Variants in CCDC110 observed in about 807,000 individuals in gnomAD.
The protein encoded by CCDC110 is coiled-coil domain-containing protein 110.
CCDC110 carries 70 observed loss-of-function variants against 77.1 expected under a neutral mutation model. That is an observed-to-expected ratio of 0.91 (90% CI 0.75 to 1.11). The LOEUF (loss-of-function observed/expected upper bound fraction) is 1.11, where lower values mean the gene tolerates loss of function less well. CCDC110 is among the 50% of genes least tolerant of loss of function. The pLI is 0.00. For missense variants in CCDC110, 868 were observed against 942.9 expected (o/e 0.92, Z 1.04); for synonymous variants, 295 against 312.5 (o/e 0.94, Z 0.59).
chr4:185,470,802 A>T, intron 2 of CCDC110, 143 bp downstream of exon 2: 1 of 748,490 alleles, frequency 1.3e-6, no homozygotes, highest in South Asian at 1.4e-5. Context: ...TTAGAACAGC[A>T]CTGGCACAAA....
chr4:185,459,349 T>C lies in CCDC110; in HGVS notation c.1238A>G (p.Lys413Arg). 2 of 1,611,600 alleles carry C rather than the reference T, an allele frequency of 1.2e-6. No homozygotes were observed. The highest frequency in any genetic ancestry group is 1.7e-6 in the Non-Finnish European group (2 of 1,179,046). The change falls in exon 6 of 7, where the codon AAA becomes AGA. Residue 413 changes from lysine (K) to arginine (R), a missense_variant. Coordinates refer to ENST00000307588, the MANE Select transcript of CCDC110 (RefSeq NM_152775.4). ...AGTAACGGAATTAACTTTGGAAGTT[T>C]TCTCATTTTCAGATATTATTGATCC... ...KQGSIISENE[K>R]TSKVNSVTEQ...
intron 1 of CCDC110, 105 bp downstream of exon 1, chr4:185,471,569 C>A (rs1245878493): frequency 7.7e-7 from 1 of 1,299,560 alleles, no homozygotes; most frequent in Non-Finnish European, 1.1e-6. Context: ...AAGGGCGGAC[C>A]CGGGATGTCC....
Position 185,453,147 on chromosome 4 carries a change from C to T in CCDC110, c.2461+4979G>A, listed in dbSNP as rs111341313. Among the ~76,000 whole-genome samples the T allele has an allele frequency of 7.4e-3, 1,131 of 152,248 alleles. 8 individuals are homozygous for T. The highest frequency in any genetic ancestry group is 0.022 in the South Asian group (104 of 4,824). On this transcript the variant is annotated intron_variant, in intron 6 of 6. Transcript: ENST00000307588. Reference sequence around the variant, plus strand: ...TTTTGGGAAGCCAAGGCAGGAGGATCACCAGGACCCAGGAGTTTGAGGCCA... The same window carrying T: ...TTTTGGGAAGCCAAGGCAGGAGGATTACCAGGACCCAGGAGTTTGAGGCCA...
At chr4:185,470,301 G>A (rs1046803441) in intron 2 of CCDC110, among the ~76,000 whole-genome samples, 1 of 152,116 alleles carries the variant, frequency 6.6e-6, no homozygotes, top group African/African-American at 2.4e-5. Flanking sequence ...AATACAAAAT[G>A]GGGTAGTATT....
intron 2 of CCDC110, among the ~76,000 whole-genome samples, chr4:185,464,998 A>G (rs1468915406): frequency 6.6e-6 from 1 of 152,228 alleles, no homozygotes; most frequent in Non-Finnish European, 1.5e-5. Context: ...AGAGATGAGA[A>G]AATTAGCATT....
At chr4:185,467,982 T>C (rs2153324858) in intron 2 of CCDC110, among the ~76,000 whole-genome samples, 1 of 152,346 alleles carries the variant, frequency 6.6e-6, no homozygotes, top group East Asian at 1.9e-4. Context: ...TTGGCCAGGC[T>C]GGTCTCAAAC....
chr4:185,469,670 G>T (rs963723459), intron 2 of CCDC110, among the ~76,000 whole-genome samples: 1 of 152,228 alleles, frequency 6.6e-6, no homozygotes, highest in African/African-American at 2.4e-5. Flanking sequence ...AGGCAGGAGG[G>T]CGGAGAGGGG....
rs778890390 is a variant in CCDC110 at position 185,461,168 on chromosome 4, G to T, written c.238-9C>A. ...CTGATTTCCGACTGTACCTTTAAAAGATAAATTGAGAAAAATTTGATTTCA... is the reference window on the plus strand; with the variant it reads ...CTGATTTCCGACTGTACCTTTAAAATATAAATTGAGAAAAATTTGATTTCA... On this transcript the variant is annotated splice_polypyrimidine_tract_variant and intron_variant, in intron 4 of 6. Coordinates refer to ENST00000307588, the MANE Select transcript of CCDC110 (RefSeq NM_152775.4). 6.7e-6 allele frequency: 9 copies of T among 1,342,252 alleles called. No homozygotes were observed. The highest frequency in any genetic ancestry group is 9.4e-6 in the Non-Finnish European group (9 of 956,914). The allele number at this position is 1,342,252 out of a possible 1,614,324, so 83.1% of individuals were successfully genotyped here. A position where few individuals can be genotyped will look rare whatever the true frequency, so the allele number is the denominator to read the frequency against.
In CCDC110 at chr4:185,458,215, A is replaced by C. The variant is rs756144244; in HGVS notation, c.2372T>G (p.Ile791Ser). 1 of 1,607,124 alleles carries C rather than the reference A, an allele frequency of 6.2e-7. No individual in the cohort carries two copies. Among genetic ancestry groups the C allele is most frequent in the Non-Finnish European group, 8.5e-7 (1 of 1,178,136 alleles). The part of the protein sequence containing the change: ...QHNDPSKTTY[I>S]SRREKFHFDN... ...AAAATGGAATTTCTCTCTTCTTGAAATGTAAGTTGTTTTTGAAGGGTCATT... is the reference window on the plus strand; with the variant it reads ...AAAATGGAATTTCTCTCTTCTTGAACTGTAAGTTGTTTTTGAAGGGTCATT... The change falls in exon 6 of 7, where the codon ATT becomes AGT. Residue 791 changes from isoleucine (I) to serine (S), a missense_variant. Coordinates refer to ENST00000307588, the MANE Select transcript of CCDC110 (RefSeq NM_152775.4).
chr4:185,467,506 C>A (rs1053258311), intron 2 of CCDC110, among the ~76,000 whole-genome samples: 1 of 152,104 alleles, frequency 6.6e-6, no homozygotes, highest in Admixed American at 6.5e-5. Context: ...TCGGGAGGCA[C>A]ATAAACAAAG....
Position 185,445,192 on chromosome 4 carries a change from C to A in CCDC110, c.*310G>T. On this transcript the variant is annotated 3_prime_UTR_variant, in exon 7 of 7. Coordinates refer to ENST00000307588, the MANE Select transcript of CCDC110 (RefSeq NM_152775.4). ...AAAATTGTTTCCAACTTTTATACTT[C>A]TTCAAAATAGTATCTTTTATTTATA... 7.5e-7 allele frequency: 1 copy of A among 1,334,628 alleles called. No individual in the cohort carries two copies. Among genetic ancestry groups the A allele is most frequent in the Non-Finnish European group, 1.0e-6 (1 of 969,700 alleles). The allele number at this position is 1,334,628 out of a possible 1,614,324, so 82.7% of individuals were successfully genotyped here.
Position 185,470,953 on chromosome 4 carries a change from C to T in CCDC110, c.107G>A (p.Ser36Asn), listed in dbSNP as rs753106574. 8 of 1,610,240 alleles carry T rather than the reference C, an allele frequency of 5.0e-6. No homozygotes were observed. Among genetic ancestry groups the T allele is most frequent in the Non-Finnish European group, 6.8e-6 (8 of 1,177,818 alleles). Residue 36 changes from serine to asparagine, a missense_variant, in exon 2 of 7, where the codon AGT (serine) becomes AAT (asparagine). Ser to Asn is a conservative substitution (Grantham distance 46). Transcript: ENST00000307588. ...SSEGVKESGCSDTEYGCIAES... is the reference protein window; with the variant it reads ...SSEGVKESGCNDTEYGCIAES... Reference sequence around the variant, plus strand: ...CGGTCTGGCGATTTTACCTGTGTCACTGCAGCCACTTTCCTTCACCCCCTC... The same window carrying T: ...CGGTCTGGCGATTTTACCTGTGTCATTGCAGCCACTTTCCTTCACCCCCTC...
chr4:185,457,642 C>T, intron 6 of CCDC110: 1 of 607,714 alleles, frequency 1.6e-6, no homozygotes, highest in Non-Finnish European at 2.6e-6. Context: ...ATACTTAATT[C>T]CAATTTCTAA....
intron 2 of CCDC110, among the ~76,000 whole-genome samples, chr4:185,467,497 C>G (rs557969542): frequency 6.6e-6 from 1 of 152,120 alleles, no homozygotes; most frequent in Non-Finnish European, 1.5e-5. Flanking sequence ...CATACAATAT[C>G]GGGAGGCACA....
In CCDC110 at chr4:185,459,618, G is replaced by T; in HGVS notation, c.969C>A (p.Leu323=). Residue 323 remains leucine (L), a synonymous_variant, in exon 6 of 7, where the codon CTC becomes CTA. Transcript: ENST00000307588. ...SELEALVKKL[L]PFRETVSKFH... is the part of the protein sequence containing the mutation. ...ATTTTGACACAGTTTCCCTGAAGGG[G>T]AGTAATTTCTTCACTAATGCCTCTA... The T allele has an allele frequency of 1.2e-6, 2 of 1,612,476 alleles. No homozygotes were observed. Among genetic ancestry groups the T allele is most frequent in the South Asian group, 1.1e-5 (1 of 90,672 alleles).
At chr4:185,460,897 T>C (rs1427510618) in intron 5 of CCDC110, 152 bp downstream of exon 5, 1 of 587,334 alleles carries the variant, frequency 1.7e-6, no homozygotes, top group South Asian at 1.5e-5. Context: ...AATACACATC[T>C]TTTAAGGTTT....
intron 6 of CCDC110, among the ~76,000 whole-genome samples, chr4:185,451,023 A>G (rs2095628309): frequency 6.6e-6 from 1 of 152,074 alleles, no homozygotes; most frequent in African/African-American, 2.4e-5. Flanking sequence ...GAGTTAATTC[A>G]ATCATGGAGG....
intron 6 of CCDC110, among the ~76,000 whole-genome samples, chr4:185,448,962 C>T (rs542791542): frequency 1.3e-5 from 2 of 152,120 alleles, no homozygotes; most frequent in South Asian, 4.1e-4. Context: ...ATTGAAATCT[C>T]TTTCTTTTTA....
intron 2 of CCDC110, chr4:185,470,705 C>T: frequency 1.6e-6 from 1 of 608,090 alleles, no homozygotes; most frequent in South Asian, 1.5e-5. Context: ...CTCTCTGTGC[C>T]CGTTTCCTTA....
Sources: allele counts gnomAD v4.1 joint callset (sites outside exome capture counted in the v4.1 genomes callset), GRCh38; gene constraint gnomAD v4.1.1; transcripts MANE v1.5; gene names NCBI Gene and HGNC (gene_info 2026-07-23, HGNC 2026-07-21).